TMEM209: variants seen among roughly 807,000 people sequenced by gnomAD.
TMEM209 encodes transmembrane protein 209.
A neutral mutation model predicts 76.2 loss-of-function variants in TMEM209; 65 were observed. The observed-to-expected ratio is 0.85, with a 90% CI of 0.70 to 1.05. The LOEUF (loss-of-function observed/expected upper bound fraction) is 1.05, where lower values mean the gene tolerates loss of function less well. Ranked by LOEUF, TMEM209 falls within the 50% of genes least tolerant of loss-of-function variation. The probability of loss-of-function intolerance (pLI) is 0.00; values close to 1 mark genes in which losing one functional copy is unlikely to be tolerated. For synonymous variants in TMEM209, 239 were observed against 237.6 expected (o/e 1.01, Z -0.06); for missense variants, 623 against 685.5 (o/e 0.91, Z 1.02).
At chr7:130,205,058 T>TAG in intron 1 of TMEM209, 1 of 1,325,668 alleles carries the variant, frequency 7.5e-7, no homozygotes, top group Non-Finnish European at 9.7e-7. Flanking sequence ...CCTCCTTTCT[T>TAG]CAGCTAGGCT....
At chr7:130,179,929 G>T (rs1254296245) in intron 9 of TMEM209, among the ~76,000 whole-genome samples, 1 of 152,146 alleles carries the variant, frequency 6.6e-6, no homozygotes, top group African/African-American at 2.4e-5. Context: ...TAGCACCACT[G>T]CATTCCCTCT....
At chr7:130,197,856 C>T (rs1798043240) in intron 5 of TMEM209, among the ~76,000 whole-genome samples, 1 of 152,062 alleles carries the variant, frequency 6.6e-6, no homozygotes, top group African/African-American at 2.4e-5. Flanking sequence ...ATGGGATTTC[C>T]CATGCACACA....
chr7:130,198,668 T>G (rs1342023393), intron 5 of TMEM209, among the ~76,000 whole-genome samples: 1 of 152,218 alleles, frequency 6.6e-6, no homozygotes, highest in East Asian at 1.9e-4. Flanking sequence ...AATTTACCAC[T>G]GCAAATAGCT....
chr7:130,198,358 C>A (rs908526983), intron 5 of TMEM209, among the ~76,000 whole-genome samples: 5 of 151,444 alleles, frequency 3.3e-5, no homozygotes, highest in African/African-American at 1.2e-4. Context: ...TGCCTGTAAT[C>A]CCAGCACTTT....
intron 7 of TMEM209, 113 bp from the exon 8 acceptor site, chr7:130,184,368 C>A: frequency 1.4e-6 from 1 of 728,110 alleles, no homozygotes; most frequent in South Asian, 2.0e-5. Context: ...AAAAATTTCC[C>A]AAACATCAAT....
intron 1 of TMEM209, 126 bp from the exon 2 acceptor site, chr7:130,204,236 T>C: frequency 9.2e-7 from 1 of 1,084,272 alleles, no homozygotes; most frequent in South Asian, 2.0e-5. Flanking sequence ...TTAAAATGTT[T>C]TATCAAAACT....
Position 130,173,806 on chromosome 7 carries a change from T to C in TMEM209, c.1459+19A>G. On this transcript the variant is annotated intron_variant, in intron 12 of 14. Transcript: ENST00000397622. ...TTTGTGTGAAAATCTCAACACATTCTTTTAGGAGAGGTTTATACCTGGTTT... is the reference window on the plus strand; with the variant it reads ...TTTGTGTGAAAATCTCAACACATTCCTTTAGGAGAGGTTTATACCTGGTTT... 1 of 1,610,594 alleles carries C rather than the reference T, an allele frequency of 6.2e-7. No individual in the cohort carries two copies. Among genetic ancestry groups the C allele is most frequent in the East Asian group, 2.2e-5 (1 of 44,830 alleles).
chr7:130,197,113 T>C (rs1798012800), intron 5 of TMEM209, among the ~76,000 whole-genome samples: 1 of 152,136 alleles, frequency 6.6e-6, no homozygotes, highest in African/African-American at 2.4e-5. Context: ...TAAAAATTGA[T>C]ACATAAACTC....
At position 130,201,833 on chromosome 7, in the gene TMEM209, G is replaced by A. The variant is rs372760227; in HGVS notation, c.573+17C>T. 2 of 1,613,498 alleles carry A rather than the reference G, an allele frequency of 1.2e-6. No individual in the cohort carries two copies. The highest frequency in any genetic ancestry group is 1.3e-5 in the African/African-American group (1 of 74,900). Reference sequence around the variant, plus strand: ...ATTCTAAAATAATGTGACTAGACAAGAGAAGAGAGTCATTACCTTATTATA... The same window carrying A: ...ATTCTAAAATAATGTGACTAGACAAAAGAAGAGAGTCATTACCTTATTATA... On this transcript the variant is annotated intron_variant, in intron 5 of 14. Transcript: ENST00000397622.
Position 130,201,897 on chromosome 7 carries a change from AACCACTGCC to A in TMEM209, c.517_525del (p.Gly173_Gly175del). On this transcript the variant is annotated inframe_deletion, in exon 5 of 15. Coordinates refer to ENST00000397622, the MANE Select transcript of TMEM209 (RefSeq NM_032842.4). ...GAGTAGGTCACTCCAGGGCTATAAGAACCACTGCCACCTGAGGACAGACCTTGCAGCTGA... is the reference window on the plus strand; with the variant it reads ...GAGTAGGTCACTCCAGGGCTATAAGAACCTGAGGACAGACCTTGCAGCTGA... The A allele has an allele frequency of 1.2e-6, 2 of 1,613,932 alleles. No individual in the cohort carries two copies. Among genetic ancestry groups the A allele is most frequent in the Non-Finnish European group, 1.7e-6 (2 of 1,179,872 alleles).
chr7:130,195,162 C>G (rs1309554711), intron 5 of TMEM209, among the ~76,000 whole-genome samples: 1 of 152,084 alleles, frequency 6.6e-6, no homozygotes, highest in African/African-American at 2.4e-5. Context: ...TTGCATAAAT[C>G]TATTCTTTAA....
Position 130,170,485 on chromosome 7 carries a change from A to C in TMEM209, c.1558-12T>G. 1.2e-6 allele frequency: 2 copies of C among 1,604,178 alleles called. No homozygotes were observed. Among genetic ancestry groups the C allele is most frequent in the Non-Finnish European group, 1.7e-6 (2 of 1,174,066 alleles). ...ATATTATTTCTGCCCTGGAACAAAG[A>C]CAAAAAAGACAAGATTTAAACCAAA... On this transcript the variant is annotated splice_polypyrimidine_tract_variant and intron_variant, in intron 13 of 14. Transcript: ENST00000397622.
intron 5 of TMEM209, among the ~76,000 whole-genome samples, chr7:130,197,921 T>C (rs183330614): frequency 1.4e-4 from 21 of 152,344 alleles, no homozygotes; most frequent in African/African-American, 2.2e-4. Context: ...ATTTTAAAAA[T>C]AGCTTTATTG....
chr7:130,201,732 T>C, intron 5 of TMEM209, 118 bp downstream of exon 5: 1 of 1,249,962 alleles, frequency 8.0e-7, no homozygotes, highest in Non-Finnish European at 1.1e-6. Context: ...TTTAAATGGG[T>C]GTTCTGGGCA....
chr7:130,201,734 T>C, intron 5 of TMEM209, 116 bp downstream of exon 5: 1 of 1,325,802 alleles, frequency 7.5e-7, no homozygotes. Flanking sequence ...TAAATGGGTG[T>C]TCTGGGCAAA....
chr7:130,181,504 A>T, intron 9 of TMEM209, 119 bp downstream of exon 9: 2 of 746,246 alleles, frequency 2.7e-6, no homozygotes, highest in Non-Finnish European at 4.5e-6. Context: ...ACTAGATTAT[A>T]GACATTTGGG....
At chr7:130,195,187 G>A (rs1797929276) in intron 5 of TMEM209, among the ~76,000 whole-genome samples, 2 of 152,068 alleles carry the variant, frequency 1.3e-5, no homozygotes, top group East Asian at 3.8e-4. Context: ...GGTAGACTGG[G>A]ACTGATTAGA....
intron 6 of TMEM209, among the ~76,000 whole-genome samples, chr7:130,191,516 A>G (rs1040402197): frequency 1.3e-5 from 2 of 152,156 alleles, no homozygotes; most frequent in South Asian, 2.1e-4. Context: ...TACCAAAGCC[A>G]TTTACAGAAA....
chr7:130,194,217 T>C (rs11984107), intron 5 of TMEM209, among the ~76,000 whole-genome samples: 7,886 of 146,324 alleles, frequency 0.054, 274 homozygotes, highest in South Asian at 0.14. Context: ...AAAAAAGAAA[T>C]ATACCACTGT....
Sources: gnomAD v4.1 joint callset for allele counts (sites outside exome capture counted in the v4.1 genomes callset) on GRCh38, gnomAD v4.1.1 for gene constraint, MANE v1.5 for transcripts, NCBI Gene and HGNC (gene_info 2026-07-23, HGNC 2026-07-21) for gene names.